Variants in SENP7 observed in about 807,000 individuals in gnomAD.
SENP7 encodes sentrin-specific protease 7.
Under a neutral mutation model 141.2 loss-of-function variants are expected in SENP7, and 64 were observed. The observed-to-expected ratio is 0.45, with a 90% CI of 0.37 to 0.56. The LOEUF is 0.56. SENP7 is among the 20% of genes least tolerant of loss of function. SENP7 has a pLI of 0.00. For missense variants in SENP7, 1,025 were observed against 1,212.2 expected, an observed-to-expected ratio of 0.85 and a Z score of 2.29; for synonymous variants, 382 against 426.4, an observed-to-expected ratio of 0.90 and a Z score of 1.28.
chr3:101,367,135 G>C (rs2060057612), intron 8 of SENP7, among the ~76,000 whole-genome samples: 1 of 151,632 alleles, frequency 6.6e-6, no homozygotes, highest in Admixed American at 6.6e-5. Context: ...AAACTACTTT[G>C]GTAAAAAAAT....
chr3:101,435,511 A>G (rs1252683197), intron 4 of SENP7, among the ~76,000 whole-genome samples: 1 of 152,078 alleles, frequency 6.6e-6, no homozygotes, highest in Non-Finnish European at 1.5e-5. Flanking sequence ...TTTGCTGATG[A>G]CATGATCCAA....
At chr3:101,464,476 T>A (rs193001921) in intron 3 of SENP7, among the ~76,000 whole-genome samples, 2 of 152,078 alleles carry the variant, frequency 1.3e-5, no homozygotes, top group African/African-American at 4.8e-5. Context: ...AGTGGCAGCA[T>A]TAGATTCTCA....
At chr3:101,430,950 T>C (rs1489872534) in intron 4 of SENP7, among the ~76,000 whole-genome samples, 2 of 152,232 alleles carry the variant, frequency 1.3e-5, no homozygotes, top group Non-Finnish European at 2.9e-5. Context: ...CCAGCAGTCA[T>C]TCAGGAGCAG....
At chr3:101,347,738 A>T in intron 13 of SENP7, 134 bp downstream of exon 13, 2 of 530,266 alleles carry the variant, frequency 3.8e-6, no homozygotes, top group Admixed American at 4.2e-5. Context: ...AAAAAAAAAA[A>T]GAAACAAAAT....
At chr3:101,501,582 CTTA>C (rs2065381897) in intron 1 of SENP7, among the ~76,000 whole-genome samples, 1 of 56,106 alleles carries the variant, frequency 1.8e-5, no homozygotes, top group Admixed American at 2.9e-4. Context: ...GGGCAACATG[CTTA>C]GGGAACAGCT....
At chr3:101,432,530 A>G (rs1461043981) in intron 4 of SENP7, among the ~76,000 whole-genome samples, 1 of 152,194 alleles carries the variant, frequency 6.6e-6, no homozygotes, top group African/African-American at 2.4e-5. Flanking sequence ...CACAGTCACA[A>G]TGCTGGTGGC....
chr3:101,391,369 C>T (rs1171254802), intron 6 of SENP7, among the ~76,000 whole-genome samples: 1 of 146,450 alleles, frequency 6.8e-6, no homozygotes, highest in Non-Finnish European at 1.5e-5. Flanking sequence ...CAAGAAAGAA[C>T]ACTGAAATAA....
At chr3:101,443,504 G>C (rs2062762539) in intron 4 of SENP7, among the ~76,000 whole-genome samples, 1 of 151,908 alleles carries the variant, frequency 6.6e-6, no homozygotes, top group Middle Eastern at 3.4e-3. Context: ...TTGGTAGCTT[G>C]ATGGGGATGC....
At chr3:101,386,824 A>T (rs570158882) in intron 6 of SENP7, among the ~76,000 whole-genome samples, 27 of 152,234 alleles carry the variant, frequency 1.8e-4, no homozygotes, top group Non-Finnish European at 3.4e-4. Flanking sequence ...ACATCTGCAC[A>T]CATCTTCAGA....
At chr3:101,454,485 T>G (rs894014601) in intron 4 of SENP7, among the ~76,000 whole-genome samples, 2 of 151,926 alleles carry the variant, frequency 1.3e-5, no homozygotes, top group African/African-American at 4.8e-5. Flanking sequence ...CACTCCAGCC[T>G]GGGCAACAAA....
chr3:101,353,535 AT>A (rs2059664148), intron 11 of SENP7, among the ~76,000 whole-genome samples: 1 of 151,954 alleles, frequency 6.6e-6, no homozygotes, highest in Non-Finnish European at 1.5e-5. Flanking sequence ...AATAAGAAAA[AT>A]TTTGTGGCAG....
chr3:101,422,718 T>TA (rs2061827482), intron 4 of SENP7, among the ~76,000 whole-genome samples: 2 of 152,266 alleles, frequency 1.3e-5, no homozygotes, highest in African/African-American at 4.8e-5. Flanking sequence ...TCAGATTCTT[T>TA]AAAAAATCGC....
intron 11 of SENP7, among the ~76,000 whole-genome samples, chr3:101,352,704 T>C (rs538677608): frequency 1.3e-5 from 2 of 152,040 alleles, no homozygotes; most frequent in African/African-American, 2.4e-5. Context: ...ATACATTTTG[T>C]TGATCAAATC....
At chr3:101,380,435 GC>G (rs11348061) in intron 6 of SENP7, among the ~76,000 whole-genome samples, 51,952 of 95,096 alleles carry the variant, frequency 0.55, 11,225 homozygotes, top group African/African-American at 0.59. Context: ...GCAAACCACC[GC>G]CCCCCCCCCC....
At position 101,357,449 on chromosome 3, in the gene SENP7, C is replaced by T. The variant is rs543865956; in HGVS notation, c.1623+4266G>A. The T allele has an allele frequency of 3.7e-6, 4 of 1,080,522 alleles. No individual in the cohort carries two copies. The East Asian group carries it at 7.3e-5, about 20-fold the overall frequency. 66.9% of individuals were successfully genotyped at this position (1,080,522 alleles called of 1,614,324 possible). ...GAAAAAACCTTTGACTACGAAGAGACATAAGATGATTGCCAGACCCCCAGT... is the reference window on the plus strand; with the variant it reads ...GAAAAAACCTTTGACTACGAAGAGATATAAGATGATTGCCAGACCCCCAGT... On this transcript the variant is annotated intron_variant, in intron 11 of 23. Coordinates refer to ENST00000394095, the MANE Select transcript of SENP7 (RefSeq NM_020654.5).
At chr3:101,494,080 G>T in intron 2 of SENP7, 112 bp from the exon 3 acceptor site, 1 of 513,904 alleles carries the variant, frequency 1.9e-6, no homozygotes, top group South Asian at 3.8e-5. Flanking sequence ...CTGTTTTAAG[G>T]AGTTTTAAAT....
rs1559865000 is a variant in SENP7, at chr3:101,463,378, T to TATATATAC, written c.187-4327_187-4326insGTATATAT. Among the ~76,000 whole-genome samples the TATATATAC allele has an allele frequency of 2.9e-3, 245 of 84,366 alleles. 2 individuals carry two copies. Among genetic ancestry groups the TATATATAC allele is most frequent in the African/African-American group, 0.012 (223 of 18,896 alleles). The allele number at this position is 84,366 out of a possible 152,430, so 55.3% of individuals were successfully genotyped here. A position where few individuals can be genotyped will look rare whatever the true frequency, so the allele number is the denominator to read the frequency against. ...ATAAATAAATAAATATATATATATA[T>TATATATAC]ATATATATATATATATATACATATA... On this transcript the variant is annotated intron_variant, in intron 3 of 23. Transcript: ENST00000394095.
chr3:101,365,911 A>G (rs549381541), intron 9 of SENP7, among the ~76,000 whole-genome samples: 108 of 152,186 alleles, frequency 7.1e-4, no homozygotes, highest in African/African-American at 2.3e-3. Flanking sequence ...TTGTGCCATC[A>G]CTCTAAATTG....
At chr3:101,363,115 C>T in intron 10 of SENP7, 1 of 920,972 alleles carries the variant, frequency 1.1e-6, no homozygotes, top group African/African-American at 1.8e-5. Flanking sequence ...AAACCCAGCT[C>T]ATAACGCCAT....
Sources: allele counts gnomAD v4.1 joint callset (sites outside exome capture counted in the v4.1 genomes callset), GRCh38; gene constraint gnomAD v4.1.1; transcripts MANE v1.5; gene names NCBI Gene and HGNC (gene_info 2026-07-23, HGNC 2026-07-21).